CDK14: variants seen among roughly 807,000 people sequenced by gnomAD.
CDK14 encodes the protein cyclin-dependent kinase 14.
CDK14 carries 34 observed loss-of-function variants against 60.7 expected under a neutral mutation model. That is an observed-to-expected ratio of 0.56 (90% CI 0.43 to 0.75). CDK14 has a LOEUF of 0.75. CDK14 is among the 30% of genes least tolerant of loss of function. The pLI is 0.00. For missense variants in CDK14, 482 were observed against 564.1 expected (o/e 0.85, Z 1.47); for synonymous variants, 197 against 203.7 (o/e 0.97, Z 0.28).
At chr7:91,172,228 A>G (rs2115808633) in intron 14 of CDK14, among the ~76,000 whole-genome samples, 1 of 152,336 alleles carries the variant, frequency 6.6e-6, no homozygotes, top group Non-Finnish European at 1.5e-5. Flanking sequence ...ATTCTCTTTC[A>G]TATCCATTAT....
intron 10 of CDK14, among the ~76,000 whole-genome samples, chr7:91,022,558 A>G (rs951591421): frequency 5.9e-5 from 9 of 152,256 alleles, no homozygotes; most frequent in African/African-American, 2.2e-4. Context: ...AAAGAGTAAT[A>G]GTAAAAAATA....
intron 4 of CDK14, among the ~76,000 whole-genome samples, chr7:90,789,890 G>A (rs1301197684): frequency 6.6e-6 from 1 of 152,108 alleles, no homozygotes; most frequent in Non-Finnish European, 1.5e-5. Context: ...TAACTCCATA[G>A]CACAATCTTA....
At chr7:90,751,604 T>C (rs1186895667) in intron 4 of CDK14, among the ~76,000 whole-genome samples, 1 of 152,204 alleles carries the variant, frequency 6.6e-6, no homozygotes, top group African/African-American at 2.4e-5. Context: ...GTAAAGGCAC[T>C]ATACAATAGA....
intron 3 of CDK14, among the ~76,000 whole-genome samples, chr7:90,737,264 G>A (rs778735528): frequency 6.6e-6 from 1 of 152,258 alleles, no homozygotes; most frequent in Admixed American, 6.5e-5. Flanking sequence ...GTCATAAGCT[G>A]ATCTTAAAGA....
At chr7:90,991,177 A>G (rs1562859374) in intron 10 of CDK14, among the ~76,000 whole-genome samples, 2 of 152,182 alleles carry the variant, frequency 1.3e-5, no homozygotes, top group Non-Finnish European at 2.9e-5. Flanking sequence ...GAGGGAGAGG[A>G]AGAAGAGAAC....
intron 2 of CDK14, among the ~76,000 whole-genome samples, chr7:90,704,102 G>A (rs768705832): frequency 6.6e-6 from 1 of 152,096 alleles, no homozygotes; most frequent in Non-Finnish European, 1.5e-5. Flanking sequence ...CAAAAAGAAA[G>A]CAGTGCCCTG....
intron 2 of CDK14, among the ~76,000 whole-genome samples, chr7:90,635,623 T>G (rs1800126115): frequency 6.6e-6 from 1 of 152,190 alleles, no homozygotes; most frequent in Non-Finnish European, 1.5e-5. Flanking sequence ...GCGGGCTCTT[T>G]TTTGGTTCCA....
intron 12 of CDK14, among the ~76,000 whole-genome samples, chr7:91,090,809 T>G (rs62468508): frequency 0.013 from 1,919 of 152,266 alleles, 22 homozygotes; most frequent in Middle Eastern, 0.031. Context: ...GAATGGAGTT[T>G]CAAAGCATGG....
At chr7:91,014,592 A>T (rs911257227) in intron 10 of CDK14, among the ~76,000 whole-genome samples, 4 of 152,186 alleles carry the variant, frequency 2.6e-5, no homozygotes, top group African/African-American at 9.7e-5. Context: ...AGTGTGATGT[A>T]GAGGTAGCAG....
At chr7:90,904,276 C>T (rs1238099435) in intron 7 of CDK14, among the ~76,000 whole-genome samples, 1 of 152,122 alleles carries the variant, frequency 6.6e-6, no homozygotes, top group Non-Finnish European at 1.5e-5. Context: ...CCAAGAAACT[C>T]TCCAGTGAAG....
At position 90,718,838 on chromosome 7, in the gene CDK14, T is replaced by C. The variant is rs1387010032; in HGVS notation, c.124-7729T>C. On this transcript the variant is annotated intron_variant, in intron 2 of 14. Coordinates refer to ENST00000380050, the MANE Select transcript of CDK14 (RefSeq NM_001287135.2). ...AAGTTATAGATGAAGGCAGTTATCA[T>C]TGGTTATGATTCTAGTGGCAATGAT... 5.9e-5 allele frequency among the ~76,000 whole-genome samples: 9 copies of C among 152,150 alleles called. No individual in the cohort carries two copies. In the East Asian group the frequency reaches 1.3e-3, roughly 23 times the overall value.
At chr7:91,042,163 A>AG (rs1039669431) in intron 10 of CDK14, among the ~76,000 whole-genome samples, 1 of 152,180 alleles carries the variant, frequency 6.6e-6, no homozygotes, top group African/African-American at 2.4e-5. Flanking sequence ...GCAGAGCGTT[A>AG]GGGAAGAGAA....
intron 2 of CDK14, among the ~76,000 whole-genome samples, chr7:90,621,482 C>G (rs908327141): frequency 4.6e-5 from 7 of 152,218 alleles, no homozygotes; most frequent in African/African-American, 1.7e-4. Context: ...ATTTCTACCT[C>G]TCTCTGAATC....
intron 4 of CDK14, among the ~76,000 whole-genome samples, chr7:90,786,873 C>G (rs1022738827): frequency 6.8e-6 from 1 of 146,038 alleles, no homozygotes; most frequent in Non-Finnish European, 1.5e-5. Flanking sequence ...CTGCAGTGAG[C>G]CATGATCATG....
At chr7:90,912,851 A>G (rs1011760366) in intron 7 of CDK14, among the ~76,000 whole-genome samples, 3 of 152,084 alleles carry the variant, frequency 2.0e-5, no homozygotes, top group African/African-American at 7.2e-5. Context: ...AAGTCAAGTG[A>G]TCCATCTACC....
chr7:91,192,174 AG>A (rs1207553045), intron 14 of CDK14, among the ~76,000 whole-genome samples: 1 of 152,172 alleles, frequency 6.6e-6, no homozygotes, highest in African/African-American at 2.4e-5. Context: ...GGGAGATAAA[AG>A]TGAGCAAGAA....
intron 11 of CDK14, among the ~76,000 whole-genome samples, chr7:91,072,804 A>T (rs1230637492): frequency 6.6e-6 from 1 of 152,088 alleles, no homozygotes; most frequent in Non-Finnish European, 1.5e-5. Flanking sequence ...AACTAGAATA[A>T]CCAGTTTAGA....
chr7:90,998,939 A>G (rs907202045), intron 10 of CDK14, among the ~76,000 whole-genome samples: 1 of 152,080 alleles, frequency 6.6e-6, no homozygotes, highest in Non-Finnish European at 1.5e-5. Flanking sequence ...AGAGTTCTGG[A>G]GGCTGGGAAG....
At chr7:90,925,947 A>G (rs1200008771) in intron 8 of CDK14, among the ~76,000 whole-genome samples, 3 of 152,230 alleles carry the variant, frequency 2.0e-5, no homozygotes, top group African/African-American at 4.8e-5. Flanking sequence ...AATTTTCTCT[A>G]GATTTTGAAG....
Sources: gnomAD v4.1 joint callset for allele counts (sites outside exome capture counted in the v4.1 genomes callset) on GRCh38, gnomAD v4.1.1 for gene constraint, MANE v1.5 for transcripts, NCBI Gene and HGNC (gene_info 2026-07-23, HGNC 2026-07-21) for gene names.